CWC27: variants seen among roughly 807,000 people sequenced by gnomAD.
CWC27 encodes CWC27 spliceosome associated cyclophilin.
CWC27 carries 47 observed loss-of-function variants against 63.6 expected under a neutral mutation model. The observed-to-expected ratio is 0.74, with a 90% CI of 0.58 to 0.94. The LOEUF (loss-of-function observed/expected upper bound fraction) is 0.94. CWC27 is among the 40% of genes least tolerant of loss of function. The pLI is 0.00. For synonymous variants in CWC27, 175 were observed against 179.8 expected, an observed-to-expected ratio of 0.97 and a Z score of 0.22; for missense variants, 495 against 554.3, an observed-to-expected ratio of 0.89 and a Z score of 1.07.
intron 10 of CWC27, among the ~76,000 whole-genome samples, chr5:64,860,867 A>G (rs1454188790): frequency 6.6e-6 from 1 of 152,222 alleles, no homozygotes; most frequent in East Asian, 1.9e-4. Context: ...TATACATTAT[A>G]GTATAATCCC....
chr5:64,976,953 T>A (rs974235165), intron 12 of CWC27, among the ~76,000 whole-genome samples, 182 bp from the exon 13 acceptor site: 2 of 152,212 alleles, frequency 1.3e-5, no homozygotes, highest in African/African-American at 4.8e-5. Context: ...CCAAACAGAA[T>A]GATGTCAAGG....
At chr5:64,996,145 A>T (rs1749627477) in intron 13 of CWC27, among the ~76,000 whole-genome samples, 1 of 152,154 alleles carries the variant, frequency 6.6e-6, no homozygotes, top group African/African-American at 2.4e-5. Context: ...TCTCCCTGGT[A>T]CACTGAGCAA....
In CWC27 at chr5:64,936,468, T is replaced by C. The variant is rs186421745; in HGVS notation, c.1043-35235T>C. 9.2e-5 allele frequency among the ~76,000 whole-genome samples: 14 copies of C among 152,348 alleles called. No individual in the cohort carries two copies. In the East Asian group the frequency reaches 2.7e-3, roughly 29 times the overall value. ...ATTTAGCTGACTTGATCGTGGTGGATAAGCTTTTTGATGTGCTGCTGGATT... is the reference window on the plus strand; with the variant it reads ...ATTTAGCTGACTTGATCGTGGTGGACAAGCTTTTTGATGTGCTGCTGGATT... On this transcript the variant is annotated intron_variant, in intron 11 of 13. Coordinates refer to ENST00000381070, the MANE Select transcript of CWC27 (RefSeq NM_005869.4).
At chr5:64,914,204 A>C (rs531028626) in intron 11 of CWC27, among the ~76,000 whole-genome samples, 54 of 152,278 alleles carry the variant, frequency 3.5e-4, no homozygotes, top group Non-Finnish European at 6.3e-4. Flanking sequence ...CAAAGCAATA[A>C]AACTTCTAGA....
intron 13 of CWC27, among the ~76,000 whole-genome samples, chr5:65,017,286 A>T (rs537669004): frequency 6.6e-6 from 1 of 152,224 alleles, no homozygotes; most frequent in African/African-American, 2.4e-5. Context: ...GCGCCACTGC[A>T]CTCCAGCCTG....
chr5:64,819,786 C>T (rs1745144259), intron 10 of CWC27, among the ~76,000 whole-genome samples: 1 of 152,086 alleles, frequency 6.6e-6, no homozygotes. Flanking sequence ...TTAAGCATGG[C>T]CTGCAACACA....
At chr5:64,841,035 A>G (rs561195500) in intron 10 of CWC27, among the ~76,000 whole-genome samples, 10 of 152,340 alleles carry the variant, frequency 6.6e-5, no homozygotes, top group Non-Finnish European at 1.5e-4. Context: ...TTCTTACCAA[A>G]TTTATACCCT....
chr5:64,907,636 C>T (rs1580718993), intron 11 of CWC27, among the ~76,000 whole-genome samples: 1 of 152,240 alleles, frequency 6.6e-6, no homozygotes, highest in Middle Eastern at 3.4e-3. Flanking sequence ...TCCTCTTTTC[C>T]TAATTGAATA....
chr5:64,776,533 T>A (rs1302614076), intron 2 of CWC27, among the ~76,000 whole-genome samples: 1 of 152,084 alleles, frequency 6.6e-6, no homozygotes, highest in Non-Finnish European at 1.5e-5. Flanking sequence ...AAAATAATTT[T>A]AAAAATAACC....
At chr5:64,888,603 A>G (rs1218274948) in intron 11 of CWC27, among the ~76,000 whole-genome samples, 7 of 149,542 alleles carry the variant, frequency 4.7e-5, no homozygotes, top group African/African-American at 1.7e-4. Flanking sequence ...TTTATAAATA[A>G]TATAAATATT....
At chr5:65,001,223 G>A (rs1466625647) in intron 13 of CWC27, among the ~76,000 whole-genome samples, 1 of 152,056 alleles carries the variant, frequency 6.6e-6, no homozygotes, top group Non-Finnish European at 1.5e-5. Context: ...GTGTTTTGTG[G>A]AGTCTTCAGG....
chr5:64,774,380 C>T (rs895216207), intron 1 of CWC27, among the ~76,000 whole-genome samples: 4 of 152,148 alleles, frequency 2.6e-5, no homozygotes, highest in African/African-American at 9.7e-5. Context: ...CTCCTAGCCT[C>T]AAGTGAACTC....
In CWC27 at chr5:64,783,832, T is replaced by A. The variant is rs765699893; in HGVS notation, c.253-4T>A. ...GACATTCACTAAATCTTTTTACATT[T>A]CAGGATGAATTTCATTCACGGTTGC... On this transcript the variant is annotated splice_polypyrimidine_tract_variant and splice_region_variant and intron_variant, in intron 3 of 13. Transcript: ENST00000381070. The A allele has an allele frequency of 1.3e-6, 2 of 1,559,214 alleles. No individual in the cohort carries two copies. The highest frequency in any genetic ancestry group is 2.8e-5 in the African/African-American group (2 of 72,132).
chr5:64,919,490 C>A (rs112793440), intron 11 of CWC27, among the ~76,000 whole-genome samples: 1 of 152,230 alleles, frequency 6.6e-6, no homozygotes, highest in African/African-American at 2.4e-5. Flanking sequence ...GGTAGCCTTC[C>A]AACCTACACC....
At chr5:64,942,359 G>A (rs930086509) in intron 11 of CWC27, among the ~76,000 whole-genome samples, 1 of 147,170 alleles carries the variant, frequency 6.8e-6, no homozygotes, top group East Asian at 2.0e-4. Context: ...GAACCCAGGA[G>A]TTCAAGGCTA....
rs1004921177 is a variant in CWC27 at position 64,802,088 on chromosome 5, G to A, written c.780+756G>A. Among the ~76,000 whole-genome samples, 4 of 152,166 alleles carry A rather than the reference G, an allele frequency of 2.6e-5. No individual in the cohort carries two copies. In the East Asian group the frequency reaches 7.7e-4, roughly 29 times the overall value. On this transcript the variant is annotated intron_variant, in intron 9 of 13. Coordinates refer to ENST00000381070, the MANE Select transcript of CWC27 (RefSeq NM_005869.4). ...CTATTTATGTCTTATATGAGAGTTA[G>A]GAGTTAGCTAAGTCAGAAAAGAAAG...
chr5:64,851,891 TCTCA>T (rs930667881), intron 10 of CWC27, among the ~76,000 whole-genome samples: 7 of 152,214 alleles, frequency 4.6e-5, no homozygotes, highest in African/African-American at 1.4e-4. Context: ...ATTGAATTTA[TCTCA>T]CTCGTTTTCT....
At chr5:64,886,346 A>T (rs1229831841) in intron 11 of CWC27, among the ~76,000 whole-genome samples, 1 of 152,162 alleles carries the variant, frequency 6.6e-6, no homozygotes, top group Non-Finnish European at 1.5e-5. Flanking sequence ...CATTCAGTGA[A>T]TATGATCAGA....
chr5:64,773,983 A>C (rs1456311757), intron 1 of CWC27: 1 of 152,210 alleles, frequency 6.6e-6, no homozygotes, highest in Non-Finnish European at 1.5e-5. Flanking sequence ...GCATGATGTT[A>C]AATGAGCAGA....
Sources: gnomAD v4.1 joint callset for allele counts (sites outside exome capture counted in the v4.1 genomes callset) on GRCh38, gnomAD v4.1.1 for gene constraint, MANE v1.5 for transcripts, NCBI Gene and HGNC (gene_info 2026-07-23, HGNC 2026-07-21) for gene names.